The following ZNF76 variants were observed in gnomAD, a reference collection of about 807,000 sequenced individuals.
ZNF76 encodes zinc finger protein 523.
A neutral mutation model predicts 66.9 loss-of-function variants in ZNF76; 66 were observed. The observed-to-expected ratio is 0.99, with a 90% CI of 0.81 to 1.21. ZNF76 has a LOEUF of 1.21. Ranked by LOEUF, ZNF76 falls within the 50% of genes most tolerant of loss-of-function variation. The pLI is 0.00. For synonymous variants in ZNF76, 275 were observed against 296.1 expected (o/e 0.93, Z 0.73); for missense variants, 729 against 760.3 (o/e 0.96, Z 0.48).
chr6:35,262,247 G>T (rs1785358470), intron 1 of ZNF76, among the ~76,000 whole-genome samples: 1 of 68,312 alleles, frequency 1.5e-5, no homozygotes, highest in African/African-American at 4.1e-5. Flanking sequence ...TATAGGGAGG[G>T]CACCTCTTTA....
At chr6:35,277,853 T>C (rs973699631) in intron 1 of ZNF76, among the ~76,000 whole-genome samples, 2 of 152,156 alleles carry the variant, frequency 1.3e-5, no homozygotes, top group Non-Finnish European at 2.9e-5. Context: ...ATAGGTTTTT[T>C]TGGGTTTTTC....
chr6:35,291,890 A>G (rs940176848), intron 9 of ZNF76, 153 bp downstream of exon 9: 2 of 804,030 alleles, frequency 2.5e-6, no homozygotes, highest in South Asian at 1.7e-5. Context: ...CCCCAGAACA[A>G]CTCTGCTTGC....
intron 1 of ZNF76, among the ~76,000 whole-genome samples, chr6:35,268,668 C>T (rs1251010614): frequency 1.3e-5 from 2 of 150,960 alleles, no homozygotes; most frequent in African/African-American, 2.4e-5. Flanking sequence ...GGCATGGTGG[C>T]GTGCAGGAGA....
At position 35,287,781 on chromosome 6, in the gene ZNF76, C is replaced by T. The variant is rs375255123; in HGVS notation, c.368C>T (p.Ala123Val). The T allele has an allele frequency of 3.9e-5, 63 of 1,613,656 alleles. No individual in the cohort carries two copies. The highest frequency in any genetic ancestry group is 5.2e-5 in the Non-Finnish European group (61 of 1,179,850). ...VQTEVGLEDL[A>V]AEDDEGFSAD... ...ACAGAGGTGGGCTTGGAGGACCTGGCAGCAGAGGATGATGAGGGCTTCAGT... is the reference window on the plus strand; with the variant it reads ...ACAGAGGTGGGCTTGGAGGACCTGGTAGCAGAGGATGATGAGGGCTTCAGT... Residue 123 changes from alanine to valine, a missense_variant, in exon 5 of 14, where the codon GCA (alanine) becomes GTA (valine). By Grantham distance (64) the Ala-to-Val change is moderately conservative. Transcript: ENST00000373953. This position sits in a 1 kb window ranked among gnomAD's most constrained non-coding sequence, Gnocchi z 4.0.
Position 35,286,411 on chromosome 6 carries a change from A to G in ZNF76, c.232+12A>G, listed in dbSNP as rs555807849. 5.1e-5 allele frequency: 82 copies of G among 1,613,450 alleles called. No homozygotes were observed. In the East Asian group the frequency reaches 1.7e-3, roughly 34 times the overall value. On this transcript the variant is annotated intron_variant, in intron 4 of 13. Coordinates refer to ENST00000373953, the MANE Select transcript of ZNF76 (RefSeq NM_003427.5). The stretch of plus-strand genomic sequence containing the variant: ...CCGCACACCCAGAGGTAGGGTCACC[A>G]TCATCACAACTCGGGGAAGGATGGG...
In ZNF76 at chr6:35,290,291, G is replaced by T. The variant is rs371721806; in HGVS notation, c.458G>T (p.Arg153Leu). The T allele has an allele frequency of 3.7e-6, 6 of 1,614,024 alleles. No homozygotes were observed. The highest frequency in any genetic ancestry group is 5.1e-6 in the Non-Finnish European group (6 of 1,180,018). Residue 153 changes from arginine to leucine, a missense_variant, in exon 6 of 14, where the codon CGT becomes CTT. Physicochemically the swap from Arg to Leu is moderately radical, Grantham distance 102. Coordinates refer to ENST00000373953, the MANE Select transcript of ZNF76 (RefSeq NM_003427.5). Reference protein sequence around the residue: ...SKVLHDSQIPRNGKGQQVGDR... With the variant: ...SKVLHDSQIPLNGKGQQVGDR... Reference sequence around the variant, plus strand: ...GTTCTTCATGACAGCCAGATTCCCCGTAATGGAAAAGGGCAGCAAGTTGGA... The same window carrying T: ...GTTCTTCATGACAGCCAGATTCCCCTTAATGGAAAAGGGCAGCAAGTTGGA...
rs572000205 is a variant in ZNF76 at position 35,281,006 on chromosome 6, G to A, written c.-96-50G>A. 59 of 768,904 alleles carry A rather than the reference G, an allele frequency of 7.7e-5. No homozygotes were observed. The African/African-American group carries it at 8.2e-4, about 11-fold the overall frequency. The allele number at this position is 768,904 out of a possible 1,614,324, so 47.6% of individuals were successfully genotyped here. A position where few individuals can be genotyped will look rare whatever the true frequency, so the allele number is the denominator to read the frequency against. On this transcript the variant is annotated intron_variant, in intron 1 of 13. Coordinates refer to ENST00000373953, the MANE Select transcript of ZNF76 (RefSeq NM_003427.5). Reference sequence around the variant, plus strand: ...TAACTCCTTCCCTGAGTGTCTTTGCGATAGGAGAAAGCTGGTTAACTCATA... The same window carrying A: ...TAACTCCTTCCCTGAGTGTCTTTGCAATAGGAGAAAGCTGGTTAACTCATA...
At position 35,287,904 on chromosome 6, in the gene ZNF76, A is replaced by G. The variant is rs770967853; in HGVS notation, c.432+59A>G. On this transcript the variant is annotated intron_variant, in intron 5 of 13. Transcript: ENST00000373953. This position sits in a 1 kb window ranked among gnomAD's most constrained non-coding sequence, Gnocchi z 4.0. ...CTAGACAACCGGGCCTGGCCTGCGC[A>G]CTGCCTCTTGGCCCTGCCAGAACTT... is the stretch of plus-strand genomic sequence containing the variant. 1.3e-6 allele frequency: 2 copies of G among 1,529,680 alleles called. No homozygotes were observed. The highest frequency in any genetic ancestry group is 2.4e-5 in the South Asian group (2 of 83,924). The allele number at this position is 1,529,680 out of a possible 1,614,324, so 94.8% of individuals were successfully genotyped here.
intron 4 of ZNF76, 128 bp downstream of exon 4, chr6:35,286,527 A>T (rs896978891): frequency 1.2e-6 from 1 of 851,602 alleles, no homozygotes; most frequent in Non-Finnish European, 1.9e-6. Flanking sequence ...TCCATGGTAC[A>T]CACATGCTCA....
rs542232460 is a variant in ZNF76 at position 35,293,823 on chromosome 6, A to G, written c.1402A>G (p.Thr468Ala). 3.7e-5 allele frequency: 60 copies of G among 1,613,818 alleles called. No individual in the cohort carries two copies. The South Asian group carries it at 6.4e-4, about 17-fold the overall frequency. Residue 468 changes from threonine (T) to alanine (A), a missense_variant, in exon 12 of 14, where the codon ACC (threonine) becomes GCC (alanine). Physicochemically the swap from Thr to Ala is moderately conservative, Grantham distance 58 (BLOSUM62 0). Transcript: ENST00000373953. ...TATGGTCACCCAGCACGGCAGCACC[A>G]CCCTCACCATCCCCAGTCCTGATGC... ...ISMVTQHGST[T>A]LTIPSPDADL...
intron 1 of ZNF76, among the ~76,000 whole-genome samples, chr6:35,276,316 A>G (rs960130520): frequency 1.3e-5 from 2 of 152,236 alleles, no homozygotes; most frequent in East Asian, 3.8e-4. Flanking sequence ...CCAATTCTGT[A>G]GACTTCTAGT....
chr6:35,289,337 T>C (rs1430296297), intron 5 of ZNF76, among the ~76,000 whole-genome samples: 1 of 152,186 alleles, frequency 6.6e-6, no homozygotes, highest in Non-Finnish European at 1.5e-5. Flanking sequence ...CCCTACCCTC[T>C]ACCCAGAAGC....
chr6:35,268,286 T>C lies in ZNF76; in HGVS notation c.-97+8445T>C, dbSNP rs374180096. On this transcript the variant is annotated intron_variant, in intron 1 of 13. Transcript: ENST00000373953. ...TAACCCTTTAACTGCATCTGGAAACTGTCCCTGTGGCTGTGTTTATTCTTG... is the reference window on the plus strand; with the variant it reads ...TAACCCTTTAACTGCATCTGGAAACCGTCCCTGTGGCTGTGTTTATTCTTG... Among the ~76,000 whole-genome samples the C allele has an allele frequency of 1.5e-4, 23 of 152,332 alleles. No homozygotes were observed. The South Asian group carries it at 3.7e-3, about 25-fold the overall frequency.
intron 11 of ZNF76, 125 bp from the exon 12 acceptor site, chr6:35,293,626 C>T (rs768970949): frequency 2.6e-4 from 312 of 1,202,542 alleles, no homozygotes; most frequent in Non-Finnish European, 3.5e-4. Flanking sequence ...TCACCCATCC[C>T]TTCCACCACT....
chr6:35,274,262 G>A (rs540587508), intron 1 of ZNF76, among the ~76,000 whole-genome samples: 1 of 152,302 alleles, frequency 6.6e-6, no homozygotes, highest in Admixed American at 6.5e-5. Context: ...TGTTTTTGTT[G>A]TTGTTTTCTT....
rs142852591 is a variant in ZNF76 at position 35,286,177 on chromosome 6, C to A, written c.123C>A (p.Thr41=). 3.7e-6 allele frequency: 6 copies of A among 1,614,174 alleles called. No homozygotes were observed. In the East Asian group the frequency reaches 1.1e-4, roughly 30 times the overall value. The change falls in exon 3 of 14, where the codon ACC becomes ACA. Residue 41 remains threonine, a synonymous_variant. Coordinates refer to ENST00000373953, the MANE Select transcript of ZNF76 (RefSeq NM_003427.5). ...GQVIQLEDGT[T]AYIHQVTVQK... ...TGATCCAGCTCGAGGATGGGACCAC[C>A]GCATACATTCACCAGGTGACGGTAC...
At chr6:35,276,668 C>A (rs1471001437) in intron 1 of ZNF76, among the ~76,000 whole-genome samples, 1 of 152,170 alleles carries the variant, frequency 6.6e-6, no homozygotes. Context: ...CTCAGTTAAA[C>A]CATGTGAGTA....
chr6:35,294,413 A>C (rs759901754), intron 12 of ZNF76, 43 bp from the exon 13 acceptor site: 2 of 1,280,602 alleles, frequency 1.6e-6, no homozygotes, highest in South Asian at 2.4e-5. Context: ...GGGGAGGGAG[A>C]GTATACTGCA....
chr6:35,291,381 G>A lies in ZNF76; in HGVS notation c.729G>A (p.Gln243=). The A allele has an allele frequency of 6.2e-7, 1 of 1,614,172 alleles. No individual in the cohort carries two copies. Among genetic ancestry groups the A allele is most frequent in the Non-Finnish European group, 8.5e-7 (1 of 1,180,032 alleles). ...CCTTCAAGACCTCAGGAGACCTGCA[G>A]AAGCATGTCCGTACCCACACTGGTA... ...SKAFKTSGDL[Q]KHVRTHTGER... Residue 243 remains glutamine, a synonymous_variant, in exon 8 of 14, where the codon CAG becomes CAA. Transcript: ENST00000373953.
Sources: allele counts gnomAD v4.1 joint callset (sites outside exome capture counted in the v4.1 genomes callset), GRCh38; gene constraint gnomAD v4.1.1; non-coding constraint Gnocchi (gnomAD v3.1); transcripts MANE v1.5; gene names NCBI Gene and HGNC (gene_info 2026-07-23, HGNC 2026-07-21).